Variants in DFFB observed in about 807,000 individuals in gnomAD.
DFFB encodes DNA fragmentation factor 40 kDa subunit.
A neutral mutation model predicts 32.7 loss-of-function variants in DFFB; 29 were observed. The observed-to-expected ratio is 0.89, with a 90% confidence interval of 0.66 to 1.21. The LOEUF (loss-of-function observed/expected upper bound fraction) is 1.21, where lower values mean the gene tolerates loss of function less well. Among genes scored for constraint, DFFB ranks in the 50% most tolerant of loss-of-function variants. The pLI is 0.00. For missense variants in DFFB, 398 were observed against 440.6 expected, an observed-to-expected ratio of 0.90 and a Z score of 0.87; for synonymous variants, 170 against 177.1, an observed-to-expected ratio of 0.96 and a Z score of 0.32.
At chr1:3,883,424 G>C in intron 6 of DFFB, 83 bp from the exon 7 acceptor site, 1 of 1,295,716 alleles carries the variant, frequency 7.7e-7, no homozygotes, top group Non-Finnish European at 1.1e-6. Context: ...TTTGTGAAGA[G>C]CTGTGACTGC....
In DFFB at chr1:3,865,140, C is replaced by T. The variant is rs1052799207; in HGVS notation, c.242-672C>T. Among the ~76,000 whole-genome samples, 24 of 151,376 alleles carry T rather than the reference C, an allele frequency of 1.6e-4. No individual in the cohort carries two copies. Among genetic ancestry groups the T allele is most frequent in the Non-Finnish European group, 3.1e-4 (21 of 67,924 alleles). ...CTCAGTGTGTTGATTTTCTCTTTTA[C>T]GCAGTGCTTTTGATGTTAGGTCTAA... is the stretch of plus-strand genomic sequence containing the variant. On this transcript the variant is annotated intron_variant, in intron 2 of 6. Coordinates refer to ENST00000378209, the MANE Select transcript of DFFB (RefSeq NM_004402.4). The surrounding 1 kb of genome is among the most constrained non-coding windows in gnomAD (Gnocchi z 4.7).
chr1:3,871,453 A>G (rs1645111087), intron 5 of DFFB, among the ~76,000 whole-genome samples: 1 of 152,024 alleles, frequency 6.6e-6, no homozygotes, highest in Admixed American at 6.6e-5. Flanking sequence ...TGCCCGGCTA[A>G]TTTTTGTGTT....
chr1:3,880,910 TCTTG>T (rs1645324230), intron 6 of DFFB, among the ~76,000 whole-genome samples: 1 of 152,186 alleles, frequency 6.6e-6, no homozygotes, highest in South Asian at 2.1e-4. Flanking sequence ...TCCTGCCATT[TCTTG>T]CTTGTGGTTC....
At position 3,884,149 on chromosome 1, in the gene DFFB, G is replaced by A. The variant is rs908676052; in HGVS notation, c.*408G>A. The stretch of plus-strand genomic sequence containing the variant: ...TCCGCCCACCTCAGCCTCCCAAAGT[G>A]CTGGGATGACAGGTGTGAGCCACTG... On this transcript the variant is annotated 3_prime_UTR_variant, in exon 7 of 7. Coordinates refer to ENST00000378209, the MANE Select transcript of DFFB (RefSeq NM_004402.4). The A allele has an allele frequency of 1.3e-5, 3 of 236,418 alleles. No individual in the cohort carries two copies. Among genetic ancestry groups the A allele is most frequent in the Non-Finnish European group, 1.7e-5 (2 of 119,212 alleles). 14.6% of individuals were successfully genotyped at this position (236,418 alleles called of 1,614,324 possible). A position where few individuals can be genotyped will look rare whatever the true frequency, so the allele number is the denominator to read the frequency against.
chr1:3,868,643 A>ACACCACACCAC (rs1645036387), intron 4 of DFFB, among the ~76,000 whole-genome samples: 2 of 4,944 alleles, frequency 4.0e-4, no homozygotes, highest in African/African-American at 1.7e-3. Flanking sequence ...CACCACACCA[A>ACACCACACCAC]GCCACACCAC....
intron 6 of DFFB, among the ~76,000 whole-genome samples, chr1:3,880,501 CT>C (rs2124768938): frequency 6.6e-6 from 1 of 152,308 alleles, no homozygotes; most frequent in East Asian, 1.9e-4. Context: ...AGTGAGGGTC[CT>C]TGTGGACTGT....
chr1:3,869,108 G>A (rs1645057997), intron 4 of DFFB, among the ~76,000 whole-genome samples: 2 of 148,514 alleles, frequency 1.3e-5, no homozygotes, highest in African/African-American at 5.3e-5. Flanking sequence ...TGCTCAGGCT[G>A]GAGTACAGTG....
chr1:3,865,602 CCCT>C lies in DFFB; in HGVS notation c.242-205_242-203del, dbSNP rs1557711969. 1.4e-6 allele frequency: 1 copy of C among 723,016 alleles called. No individual in the cohort carries two copies. Among genetic ancestry groups the C allele is most frequent in the Non-Finnish European group, 2.5e-6 (1 of 404,548 alleles). The allele number at this position is 723,016 out of a possible 1,614,324, so 44.8% of individuals were successfully genotyped here. A position where few individuals can be genotyped will look rare whatever the true frequency, so the allele number is the denominator to read the frequency against. On this transcript the variant is annotated intron_variant, in intron 2 of 6. Coordinates refer to ENST00000378209, the MANE Select transcript of DFFB (RefSeq NM_004402.4). This position sits in a 1 kb window ranked among gnomAD's most constrained non-coding sequence, Gnocchi z 4.7. ...GTCCTCTAAAGCACACCCTGCCCCTCCCTCCTCTGTCCTCATGCCGCCCTTGTG... is the reference window on the plus strand; with the variant it reads ...GTCCTCTAAAGCACACCCTGCCCCTCCCTCTGTCCTCATGCCGCCCTTGTG...
intron 6 of DFFB, among the ~76,000 whole-genome samples, chr1:3,882,827 CTGTT>C (rs1464319635): frequency 6.6e-6 from 1 of 152,098 alleles, no homozygotes; most frequent in Non-Finnish European, 1.5e-5. Flanking sequence ...TTGTAAGGCT[CTGTT>C]TGTAAAACTT....
At chr1:3,866,091 G>T (rs1644974844) in intron 3 of DFFB, 91 bp downstream of exon 3, 2 of 1,120,818 alleles carry the variant, frequency 1.8e-6, no homozygotes, top group Non-Finnish European at 2.5e-6. Context: ...CCAGTGAAGG[G>T]CTGGCCTGTA....
rs1290707447 is a variant in DFFB, at chr1:3,872,409, C to A, written c.682-63C>A. 11 of 1,297,544 alleles carry A rather than the reference C, an allele frequency of 8.5e-6. No homozygotes were observed. The Admixed American group carries it at 2.0e-4, about 24-fold the overall frequency. 80.4% of individuals were successfully genotyped at this position (1,297,544 alleles called of 1,614,324 possible). On this transcript the variant is annotated intron_variant, in intron 5 of 6. Transcript: ENST00000378209. ...GCCTGGCGACAGAGCGAGGCGCTGT[C>A]TCAAGAAAAAAAAAAAAAGAGACTC... is the stretch of plus-strand genomic sequence containing the variant.
chr1:3,866,919 A>G (rs1644993821), intron 3 of DFFB, among the ~76,000 whole-genome samples: 1 of 152,068 alleles, frequency 6.6e-6, no homozygotes, highest in Non-Finnish European at 1.5e-5. Flanking sequence ...TTTTTGAGAC[A>G]GAGTCTTGCT....
intron 3 of DFFB, chr1:3,866,214 C>T: frequency 1.5e-6 from 1 of 687,822 alleles, no homozygotes; most frequent in South Asian, 1.5e-5. Flanking sequence ...GAGTCCAGGG[C>T]AGCCCTCGGA....
intron 2 of DFFB, among the ~76,000 whole-genome samples, chr1:3,862,567 A>G (rs1382544847): frequency 6.6e-6 from 1 of 152,232 alleles, no homozygotes; most frequent in Non-Finnish European, 1.5e-5. Flanking sequence ...ATCTGTGGTC[A>G]GGATGCCAGG....
At chr1:3,875,875 C>T (rs1197234211) in intron 6 of DFFB, among the ~76,000 whole-genome samples, 1 of 152,204 alleles carries the variant, frequency 6.6e-6, no homozygotes, top group Non-Finnish European at 1.5e-5. Context: ...CTCCTAGATT[C>T]AAGCGATTCT....
At chr1:3,871,646 C>G (rs569522036) in intron 5 of DFFB, among the ~76,000 whole-genome samples, 56 of 152,328 alleles carry the variant, frequency 3.7e-4, no homozygotes, top group Non-Finnish European at 7.1e-4. Context: ...GACCAGCCCC[C>G]ACGGGGTGCG....
rs1009127588 is a variant in DFFB, at chr1:3,884,727, G to A, written c.*986G>A. The A allele has an allele frequency of 6.6e-6, 1 of 152,062 alleles. No homozygotes were observed. Among genetic ancestry groups the A allele is most frequent in the Non-Finnish European group, 1.5e-5 (1 of 68,040 alleles). 9.4% of individuals were successfully genotyped at this position (152,062 alleles called of 1,614,324 possible). A position where few individuals can be genotyped will look rare whatever the true frequency, so the allele number is the denominator to read the frequency against. Reference sequence around the variant, plus strand: ...CTGGGATTACAGGCACCTACCACCAGGGCCAGCTAATTTTTGTATGTTTAG... The same window carrying A: ...CTGGGATTACAGGCACCTACCACCAAGGCCAGCTAATTTTTGTATGTTTAG... On this transcript the variant is annotated 3_prime_UTR_variant, in exon 7 of 7. Transcript: ENST00000378209.
chr1:3,876,558 G>A (rs1189678847), intron 6 of DFFB, among the ~76,000 whole-genome samples: 2 of 152,204 alleles, frequency 1.3e-5, no homozygotes, highest in Non-Finnish European at 2.9e-5. Flanking sequence ...TGACGTTTGT[G>A]GGGGTTGACA....
At chr1:3,883,408 G>C (rs1638230329) in intron 6 of DFFB, 99 bp from the exon 7 acceptor site, 2 of 1,140,070 alleles carry the variant, frequency 1.8e-6, no homozygotes, top group East Asian at 2.5e-5. Context: ...ATAGCACTTA[G>C]GGGAATTTGT....
Sources: gnomAD v4.1 joint callset for allele counts (sites outside exome capture counted in the v4.1 genomes callset) on GRCh38, gnomAD v4.1.1 for gene constraint, Gnocchi (gnomAD v3.1) non-coding constraint, MANE v1.5 for transcripts, NCBI Gene and HGNC (gene_info 2026-07-23, HGNC 2026-07-21) for gene names.